Variants in ZNF519 observed in about 807,000 individuals in gnomAD.
ZNF519 encodes similar to Zinc finger protein 85 (Zinc finger protein HPF4) (HTF1).
Under a neutral mutation model 7.4 loss-of-function variants are expected in ZNF519, and 7 were observed. The observed-to-expected ratio is 0.94, with a 90% confidence interval of 0.54 to 1.77. The LOEUF (loss-of-function observed/expected upper bound fraction) is 1.77. Among genes scored for constraint, ZNF519 ranks in the 40% most tolerant of loss-of-function variants. ZNF519 has a pLI of 0.00. For missense variants in ZNF519, 586 were observed against 623.1 expected, an observed-to-expected ratio of 0.94 and a Z score of 0.63; for synonymous variants, 179 against 203.3, an observed-to-expected ratio of 0.88 and a Z score of 1.02.
rs544973924 is a variant in ZNF519 at position 14,132,396 on chromosome 18, C to G, written c.-119G>C. 3.9e-6 allele frequency: 5 copies of G among 1,294,296 alleles called. No individual in the cohort carries two copies. The highest frequency in any genetic ancestry group is 2.5e-5 in the South Asian group (2 of 78,820). 80.2% of individuals were successfully genotyped at this position (1,294,296 alleles called of 1,614,324 possible). On this transcript the variant is annotated 5_prime_UTR_variant, in exon 1 of 3. Transcript: ENST00000590202. ...GTCTCCCGGAGCAGAGGACACAAGG[C>G]AATGAAGCCCTAACCCCGCGCTCTG...
chr18:14,078,643 T>C (rs1468118390), intron 3 of ZNF519, among the ~76,000 whole-genome samples: 4 of 152,200 alleles, frequency 2.6e-5, no homozygotes, highest in African/African-American at 9.7e-5. Flanking sequence ...ATTGAACATA[T>C]GAATATAATT....
At chr18:14,125,180 T>A (rs538737788) in intron 1 of ZNF519, among the ~76,000 whole-genome samples, 1 of 152,272 alleles carries the variant, frequency 6.6e-6, no homozygotes, top group African/African-American at 2.4e-5. Context: ...AACACACATA[T>A]CCTTCATCCA....
At chr18:14,088,139 A>G (rs2046099277) in intron 2 of ZNF519, among the ~76,000 whole-genome samples, 1 of 152,220 alleles carries the variant, frequency 6.6e-6, no homozygotes, top group African/African-American at 2.4e-5. Context: ...CACCTATGTG[A>G]CAATTATCCC....
intron 2 of ZNF519, among the ~76,000 whole-genome samples, chr18:14,117,857 T>TAAACCATTCATGAG (rs1294052655): frequency 1.3e-5 from 2 of 152,020 alleles, no homozygotes. Context: ...GGAATGGTGT[T>TAAACCATTCATGAG]AAACCATTCA....
rs1273622831 is a variant in ZNF519 at position 14,105,475 on chromosome 18, T to G, written c.1065A>C (p.Lys355Asn). 1 of 1,613,814 alleles carries G rather than the reference T, an allele frequency of 6.2e-7. No individual in the cohort carries two copies. The highest frequency in any genetic ancestry group is 1.3e-5 in the African/African-American group (1 of 74,882). The change falls in exon 3 of 3, where the codon AAA becomes AAC. Residue 355 changes from lysine to asparagine, a missense_variant. By Grantham distance (94) the Lys-to-Asn change is moderately conservative. Coordinates refer to ENST00000590202, the MANE Select transcript of ZNF519 (RefSeq NM_145287.4). ...TAAGGTATGACCCCCTGTTAAAGGC[T>G]TTGCCACATTCTTCACATTTGAAAG... ...ERAFKCEECG[K>N]AFNRGSYLTQ...
In ZNF519 at chr18:14,076,531, T is replaced by C. The variant is rs563830652; in HGVS notation, c.*1272A>G. 3.3e-5 allele frequency: 5 copies of C among 152,200 alleles called. No homozygotes were observed. In the South Asian group the frequency reaches 1.0e-3, roughly 32 times the overall value. The allele number at this position is 152,200 out of a possible 1,614,324, so 9.4% of individuals were successfully genotyped here. On this transcript the variant is annotated 3_prime_UTR_variant and NMD_transcript_variant, in exon 5 of 5. Transcript: ENST00000587419. ...GAGAAACTACATCACCATTAATATA[T>C]GGAGAAAATTAGTATTTGTGGATGC...
exon 5 of ZNF519, chr18:14,077,466 G>A (rs2143073009): frequency 6.6e-6 from 1 of 152,410 alleles, no homozygotes; most frequent in Admixed American, 6.5e-5. Flanking sequence ...AGGCGGTTCT[G>A]AGATATGGGT....
chr18:14,116,351 T>C (rs574802709), intron 2 of ZNF519, among the ~76,000 whole-genome samples: 3 of 152,288 alleles, frequency 2.0e-5, no homozygotes, highest in South Asian at 2.1e-4. Context: ...CAAAGGACCA[T>C]TGATGGCCCA....
downstream of ZNF519, chr18:14,075,782 G>C (rs2046045355): frequency 6.6e-6 from 1 of 152,146 alleles, no homozygotes; most frequent in Non-Finnish European, 1.5e-5. Context: ...CATATTCAGA[G>C]TTAGAGGATC....
intron 2 of ZNF519, among the ~76,000 whole-genome samples, chr18:14,088,665 G>C (rs1180113245): frequency 6.6e-6 from 1 of 152,100 alleles, no homozygotes; most frequent in Admixed American, 6.5e-5. Context: ...AAAATTAAAG[G>C]AGACAAATAT....
chr18:14,092,727 T>C (rs1377009942), intron 2 of ZNF519, among the ~76,000 whole-genome samples: 2 of 151,986 alleles, frequency 1.3e-5, no homozygotes, highest in Non-Finnish European at 2.9e-5. Flanking sequence ...CATATATATG[T>C]ACATCCTGAG....
chr18:14,125,404 T>A (rs2046294033), intron 1 of ZNF519, among the ~76,000 whole-genome samples: 1 of 152,194 alleles, frequency 6.6e-6, no homozygotes, highest in Non-Finnish European at 1.5e-5. Flanking sequence ...TATGTGTTAA[T>A]TCTCATAACA....
chr18:14,126,369 G>A (rs1224402659), intron 1 of ZNF519, among the ~76,000 whole-genome samples: 1 of 152,154 alleles, frequency 6.6e-6, no homozygotes, highest in Non-Finnish European at 1.5e-5. Flanking sequence ...TTTTCCTAGA[G>A]CAATTATATT....
downstream of ZNF519, chr18:14,073,327 G>GT (rs2046035639): frequency 1.3e-5 from 2 of 151,920 alleles, no homozygotes; most frequent in East Asian, 3.9e-4. Context: ...CTGGAGTGCA[G>GT]TGGCACAATC....
chr18:14,108,502 C>A (rs2046204994), intron 2 of ZNF519, among the ~76,000 whole-genome samples: 1 of 151,696 alleles, frequency 6.6e-6, no homozygotes, highest in African/African-American at 2.4e-5. Context: ...CTGTTGATAG[C>A]AAGACAAGAA....
intron 2 of ZNF519, among the ~76,000 whole-genome samples, chr18:14,092,434 A>G (rs34576518): frequency 0.036 from 5,511 of 152,234 alleles, 132 homozygotes; most frequent in South Asian, 0.082. Context: ...TAGGACTTAG[A>G]GGAGCAATCA....
At chr18:14,091,596 A>T (rs1054404895) in intron 2 of ZNF519, among the ~76,000 whole-genome samples, 2 of 152,118 alleles carry the variant, frequency 1.3e-5, no homozygotes, top group Non-Finnish European at 2.9e-5. Context: ...AGCAATGAAG[A>T]CTCGAAAGTC....
chr18:14,088,593 G>A (rs2046101034), intron 2 of ZNF519, among the ~76,000 whole-genome samples: 1 of 152,058 alleles, frequency 6.6e-6, no homozygotes, highest in African/African-American at 2.4e-5. Flanking sequence ...ATGAGTTCTG[G>A]CATATCCATC....
intron 2 of ZNF519, among the ~76,000 whole-genome samples, chr18:14,089,779 A>G (rs1258135356): frequency 6.6e-6 from 1 of 152,154 alleles, no homozygotes; most frequent in East Asian, 1.9e-4. Context: ...AAAGGAAAAA[A>G]ATAATCATTA....
Sources: gnomAD v4.1 joint callset for allele counts (sites outside exome capture counted in the v4.1 genomes callset) on GRCh38, gnomAD v4.1.1 for gene constraint, MANE v1.5 for transcripts, NCBI Gene and HGNC (gene_info 2026-07-23, HGNC 2026-07-21) for gene names.